CCDC144A: variants seen among roughly 807,000 people sequenced by gnomAD.
The protein encoded by CCDC144A is coiled-coil domain-containing protein 144A.
In CCDC144A, 41 loss-of-function variants were observed where a neutral mutation model predicts 143.8. The ratio of observed to expected loss-of-function variants is 0.29; its 90% CI spans 0.22 to 0.37. The LOEUF (loss-of-function observed/expected upper bound fraction) is 0.37, where lower values mean the gene tolerates loss of function less well. CCDC144A is among the 10% of genes least tolerant of loss of function. CCDC144A has a pLI of 1.00. For synonymous variants in CCDC144A, 242 were observed against 517.9 expected (o/e 0.47, Z 7.23); for missense variants, 637 against 1,488.8 (o/e 0.43, Z 9.41).
At chr17:16,757,806 T>C (rs1915168945) in intron 12 of CCDC144A, among the ~76,000 whole-genome samples, 1 of 152,246 alleles carries the variant, frequency 6.6e-6, no homozygotes, top group Admixed American at 6.5e-5. Context: ...TTAGGATCCC[T>C]TTGACCTAGA....
intron 15 of CCDC144A, among the ~76,000 whole-genome samples, chr17:16,771,590 T>C (rs1915825120): frequency 6.6e-6 from 1 of 152,260 alleles, no homozygotes; most frequent in Non-Finnish European, 1.5e-5. Context: ...GAACTATTCA[T>C]TAAAGTGAAA....
chr17:16,695,251 T>TACTA (rs1033685732), intron 2 of CCDC144A: 4 of 152,218 alleles, frequency 2.6e-5, no homozygotes, highest in African/African-American at 7.2e-5. Flanking sequence ...TGTCTTTTAG[T>TACTA]ACTAAGCATT....
intron 12 of CCDC144A, among the ~76,000 whole-genome samples, chr17:16,750,127 T>C (rs2621522): frequency 2.0e-5 from 3 of 152,244 alleles, no homozygotes; most frequent in East Asian, 1.9e-4. Flanking sequence ...ATTTTGGTTC[T>C]GCCATGATGT....
In CCDC144A at chr17:16,775,597, A is replaced by T. The variant is rs1169285250; in HGVS notation, c.*1964A>T. The T allele has an allele frequency of 6.6e-6, 1 of 152,032 alleles. No homozygotes were observed. Among genetic ancestry groups the T allele is most frequent in the Admixed American group, 6.5e-5 (1 of 15,270 alleles). The allele number at this position is 152,032 out of a possible 1,614,324, so 9.4% of individuals were successfully genotyped here. On this transcript the variant is annotated 3_prime_UTR_variant, in exon 17 of 17. Transcript: ENST00000399273. ...TGTTTAAGTTCCTTGTAGATGCTGGATATTAGACCTTTGTCAGATGGATAG... is the reference window on the plus strand; with the variant it reads ...TGTTTAAGTTCCTTGTAGATGCTGGTTATTAGACCTTTGTCAGATGGATAG...
chr17:16,747,935 G>A (rs541827934), intron 12 of CCDC144A, among the ~76,000 whole-genome samples: 1 of 152,202 alleles, frequency 6.6e-6, no homozygotes, highest in African/African-American at 2.4e-5. Context: ...GATTGCTCTG[G>A]CTAGGAGTTC....
intron 12 of CCDC144A, among the ~76,000 whole-genome samples, chr17:16,759,604 A>G (rs1290788719): frequency 6.7e-6 from 1 of 148,630 alleles, no homozygotes; most frequent in Non-Finnish European, 1.5e-5. Context: ...TTTCTTCACT[A>G]TCCTGGAGCC....
chr17:16,758,736 C>A (rs1915218692), intron 12 of CCDC144A, among the ~76,000 whole-genome samples: 1 of 152,158 alleles, frequency 6.6e-6, no homozygotes, highest in Non-Finnish European at 1.5e-5. Flanking sequence ...CAGCCAGCTT[C>A]CTCCCTGTAG....
intron 14 of CCDC144A, among the ~76,000 whole-genome samples, chr17:16,763,226 A>G (rs568378902): frequency 4.6e-5 from 7 of 151,990 alleles, no homozygotes; most frequent in East Asian, 1.9e-4. Context: ...CCTCTGATAC[A>G]TGGGCCGCAG....
intron 7 of CCDC144A, 36 bp downstream of exon 7, chr17:16,720,267 T>C: frequency 5.3e-6 from 8 of 1,520,270 alleles, no homozygotes; most frequent in Non-Finnish European, 7.0e-6. Context: ...AAATATTGTT[T>C]TTAAAAAACA....
the CCDC144A span, among the ~76,000 whole-genome samples, chr17:16,668,475 C>G: frequency 6.6e-6 from 1 of 152,172 alleles, no homozygotes; most frequent in East Asian, 1.9e-4. Context: ...TATGAAGATT[C>G]AATGATATAT....
intron 2 of CCDC144A, among the ~76,000 whole-genome samples, chr17:16,700,312 T>C (rs1251395590): frequency 6.6e-6 from 1 of 151,866 alleles, no homozygotes; most frequent in Admixed American, 6.6e-5. Flanking sequence ...CTTACCAGAG[T>C]TTCATTAGAG....
chr17:16,740,104 A>G (rs1914192964), intron 12 of CCDC144A, among the ~76,000 whole-genome samples: 1 of 151,986 alleles, frequency 6.6e-6, no homozygotes, highest in Non-Finnish European at 1.5e-5. Context: ...GTTTTTATTA[A>G]CTCATTGTAA....
In CCDC144A at chr17:16,774,254, A is replaced by G. The variant is rs1915930640; in HGVS notation, c.*621A>G. The G allele has an allele frequency of 2.6e-5, 4 of 150,956 alleles. No individual in the cohort carries two copies. The South Asian group carries it at 6.4e-4, about 24-fold the overall frequency. The allele number at this position is 150,956 out of a possible 1,614,324, so 9.4% of individuals were successfully genotyped here. ...TTCCCCCTGTGGGCCATTTGAGAGT[A>G]AATTGCTGACATTATGCCATCACAT... On this transcript the variant is annotated 3_prime_UTR_variant, in exon 17 of 17. Coordinates refer to ENST00000399273, the MANE Select transcript of CCDC144A (RefSeq NM_001382000.1).
intron 12 of CCDC144A, among the ~76,000 whole-genome samples, chr17:16,758,916 C>T (rs1358340129): frequency 6.6e-6 from 1 of 152,200 alleles, no homozygotes; most frequent in Admixed American, 6.5e-5. Flanking sequence ...GAGATAAGCA[C>T]TTCACCTTGT....
chr17:16,699,547 T>G, intron 2 of CCDC144A, among the ~76,000 whole-genome samples: 1 of 65,816 alleles, frequency 1.5e-5, no homozygotes, highest in Non-Finnish European at 2.9e-5. Flanking sequence ...GGCCTGGACT[T>G]TTTTTTTGAA....
chr17:16,709,368 G>A lies in CCDC144A; in HGVS notation c.1311G>A (p.Met437Ile). ...TKKARNPEVV[M>I]VEMKEDQEFD... ...AAGCAAGGAACCCAGAAGTGGTTAT[G>A]GTTGAAATGAAAGAAGACCAAGAGT... Residue 437 changes from methionine (M) to isoleucine (I), a missense_variant, in exon 5 of 17, where the codon ATG (methionine) becomes ATA (isoleucine). Coordinates refer to ENST00000399273, the MANE Select transcript of CCDC144A (RefSeq NM_001382000.1). The A allele has an allele frequency of 6.2e-7, 1 of 1,611,656 alleles. No homozygotes were observed. Among genetic ancestry groups the A allele is most frequent in the Non-Finnish European group, 8.5e-7 (1 of 1,179,662 alleles).
the CCDC144A span, among the ~76,000 whole-genome samples, chr17:16,680,476 TA>T: frequency 5.3e-5 from 8 of 150,864 alleles, no homozygotes; most frequent in Non-Finnish European, 1.2e-4. Flanking sequence ...AAATTTCTGT[TA>T]AAAAAAATTT....
At chr17:16,711,957 C>T in intron 6 of CCDC144A, 142 bp downstream of exon 6, 2 of 894,292 alleles carry the variant, frequency 2.2e-6, no homozygotes, top group East Asian at 2.8e-5. Context: ...ATGGATAAAC[C>T]CCATCTCTAC....
chr17:16,695,327 C>G (rs1282135366), intron 2 of CCDC144A: 1 of 152,050 alleles, frequency 6.6e-6, no homozygotes. Context: ...GTGGTGCATG[C>G]CTGTAATCTC....
Sources: allele counts gnomAD v4.1 joint callset (sites outside exome capture counted in the v4.1 genomes callset), GRCh38; gene constraint gnomAD v4.1.1; transcripts MANE v1.5; gene names NCBI Gene and HGNC (gene_info 2026-07-23, HGNC 2026-07-21).